APC2: variants seen among roughly 807,000 people sequenced by gnomAD.
APC2 encodes the protein adenomatous polyposis coli protein 2.
APC2 carries 41 observed loss-of-function variants against 72.5 expected under a neutral mutation model. The observed-to-expected ratio is 0.57, with a 90% CI of 0.44 to 0.73. APC2 has a LOEUF of 0.73. APC2 is among the 30% of genes least tolerant of loss of function. The pLI, the probability that APC2 is intolerant of heterozygous loss-of-function variation, is 0.00. For missense variants in APC2, 3,729 were observed against 3,403.4 expected, an observed-to-expected ratio of 1.10 and a Z score of -2.38; for synonymous variants, 1,898 against 1,612.0, an observed-to-expected ratio of 1.18 and a Z score of -4.25.
intron 4 of APC2, among the ~76,000 whole-genome samples, chr19:1,454,771 G>A (rs2083793711): frequency 6.6e-6 from 1 of 152,122 alleles, no homozygotes; most frequent in African/African-American, 2.4e-5. Context: ...GTTTCACCGT[G>A]TTAGCCAGGA....
chr19:1,456,004 C>T, intron 6 of APC2, 72 bp from the exon 7 acceptor site: 6 of 1,425,344 alleles, frequency 4.2e-6, no homozygotes, highest in South Asian at 1.3e-5. Flanking sequence ...GTGGGGTCAT[C>T]CCAGGGAGAG....
chr19:1,458,321 G>A, intron 10 of APC2: 1 of 540,752 alleles, frequency 1.8e-6, no homozygotes, highest in Non-Finnish European at 3.3e-6. Context: ...GTTCCCTGGG[G>A]CTCAGAACAG....
chr19:1,459,643 G>A (rs2083892856), intron 10 of APC2, among the ~76,000 whole-genome samples: 1 of 152,200 alleles, frequency 6.6e-6, no homozygotes, highest in Non-Finnish European at 1.5e-5. Flanking sequence ...AGGGAGAAAA[G>A]TGTTTTGGTG....
chr19:1,448,311 C>T (rs1246794047), upstream of APC2, among the ~76,000 whole-genome samples: 2 of 152,274 alleles, frequency 1.3e-5, no homozygotes, highest in Non-Finnish European at 1.5e-5. Context: ...AAAAAATCCC[C>T]TTCGAGGCGG....
chr19:1,467,944 C>A lies in APC2; in HGVS notation c.4643C>A (p.Ala1548Asp). 1 of 1,586,636 alleles carries A rather than the reference C, an allele frequency of 6.3e-7. No individual in the cohort carries two copies. The highest frequency in any genetic ancestry group is 8.5e-7 in the Non-Finnish European group (1 of 1,174,978). Residue 1548 changes from alanine to aspartate, a missense_variant, in exon 15 of 15, where the codon GCC (alanine) becomes GAC (aspartate). Physicochemically the swap from Ala to Asp is moderately radical, Grantham distance 126 (BLOSUM62 -2). Coordinates refer to ENST00000590469, the MANE Select transcript of APC2 (RefSeq NM_005883.3). ...GAGCGTCCGCAGGGCCGGAAGGAGG[C>A]CCCTGCCCCGTCCAAGGCTGCACCA... ...TRERPQGRKEAPAPSKAAPAA... is the reference protein window; with the variant it reads ...TRERPQGRKEDPAPSKAAPAA...
In APC2 at chr19:1,465,593, G is replaced by A. The variant is rs1286099904; in HGVS notation, c.2292G>A (p.Leu764=). 5.0e-6 allele frequency: 8 copies of A among 1,584,180 alleles called. No homozygotes were observed. The East Asian group carries it at 1.9e-4, about 37-fold the overall frequency. ...TKKPLPPLRH[L]DGLAQDYASD... ...AGCCGCTGCCGCCCCTGCGACACCT[G>A]GACGGCCTGGCCCAAGACTATGCTT... Residue 764 remains leucine, a synonymous_variant, in exon 15 of 15, where the codon CTG becomes CTA. Transcript: ENST00000590469.
chr19:1,457,391 G>A lies in APC2; in HGVS notation c.1207+148G>A, dbSNP rs975994095. Reference sequence around the variant, plus strand: ...CCAGGCTCCGGCCGAGGCCTGTGGGGGCATTTGACGTTGGGAAAAGACCCG... The same window carrying A: ...CCAGGCTCCGGCCGAGGCCTGTGGGAGCATTTGACGTTGGGAAAAGACCCG... On this transcript the variant is annotated intron_variant, in intron 9 of 14. Transcript: ENST00000590469. 13 of 1,207,690 alleles carry A rather than the reference G, an allele frequency of 1.1e-5. 1 individual carries two copies. The highest frequency in any genetic ancestry group is 5.8e-4 in the Middle Eastern group (2 of 3,424). 74.8% of individuals were successfully genotyped at this position (1,207,690 alleles called of 1,614,324 possible).
chr19:1,468,329 C>T lies in APC2; in HGVS notation c.5028C>T (p.Asp1676=), dbSNP rs182043. 6,649 of 1,555,956 alleles carry T rather than the reference C, an allele frequency of 4.3e-3. 265 individuals are homozygous for T. The African/African-American group carries it at 0.08, about 19-fold the overall frequency. Reference sequence around the variant, plus strand: ...GCGGCGAGGAGGCAGCGGGCTCGGACCGGGCCTCCGACCTGGATAGCGTGG... The same window carrying T: ...GCGGCGAGGAGGCAGCGGGCTCGGATCGGGCCTCCGACCTGGATAGCGTGG... ...RERGEEAAGS[D]RASDLDSVEW... The change falls in exon 15 of 15, where the codon GAC becomes GAT. Residue 1676 remains aspartate, a synonymous_variant. Transcript: ENST00000590469.
At chr19:1,459,191 C>G (rs914287461) in intron 10 of APC2, among the ~76,000 whole-genome samples, 1 of 152,166 alleles carries the variant, frequency 6.6e-6, no homozygotes, top group East Asian at 1.9e-4. Flanking sequence ...ACGCCATAGT[C>G]TGTTTGTTTC....
intron 12 of APC2, 50 bp from the exon 13 acceptor site, chr19:1,460,987 T>TG (rs1489627851): frequency 1.9e-6 from 3 of 1,606,724 alleles, no homozygotes; most frequent in South Asian, 1.1e-5. Context: ...CTGGGGGGTT[T>TG]GGGGGGCCTG....
chr19:1,466,750 A>C lies in APC2; in HGVS notation c.3449A>C (p.Asn1150Thr), dbSNP rs753549152. 2 of 1,547,314 alleles carry C rather than the reference A, an allele frequency of 1.3e-6. No individual in the cohort carries two copies. The highest frequency in any genetic ancestry group is 1.2e-5 in the South Asian group (1 of 84,200). The change falls in exon 15 of 15, where the codon AAC becomes ACC. Residue 1150 changes from asparagine (N) to threonine (T), a missense_variant. By Grantham distance (65) the Asn-to-Thr change is moderately conservative (BLOSUM62 0). Transcript: ENST00000590469. The part of the protein sequence containing the change: ...EDATPSSSSE[N>T]YVQETPLVLS... ...GCCACGCCGTCCAGCTCGTCGGAGA[A>C]CTACGTGCAGGAGACACCGCTTGTG...
chr19:1,457,222 G>T lies in APC2; in HGVS notation c.1186G>T (p.Glu396Ter). The T allele has an allele frequency of 6.5e-7, 1 of 1,540,054 alleles. No homozygotes were observed. The stretch of plus-strand genomic sequence containing the variant: ...GCTGCAGGCCCGAGACGGCGGGCCC[G>T]AGGGAGGTGGCGCCGGCAGCGGTGA... ...DWLQARDGGP[E>*]GGGAGSAPIP... The change falls in exon 9 of 15, where the codon GAG (glutamate) becomes TAG (stop). Residue 396 changes from glutamate (E) to a stop codon, truncating the protein, a stop_gained. Transcript: ENST00000590469. LOFTEE classifies it high-confidence loss of function.
rs528448967 is a variant in APC2 at position 1,455,375 on chromosome 19, C to T, written c.523-9C>T. 6.2e-7 allele frequency: 1 copy of T among 1,607,162 alleles called. No homozygotes were observed. The highest frequency in any genetic ancestry group is 8.5e-7 in the Non-Finnish European group (1 of 1,177,392). ...CCCTCACCGTGGCCCGCCCGCCTGCCTTTGCCAGCAGTTCTCGATGCAGAT... is the reference window on the plus strand; with the variant it reads ...CCCTCACCGTGGCCCGCCCGCCTGCTTTTGCCAGCAGTTCTCGATGCAGAT... On this transcript the variant is annotated splice_polypyrimidine_tract_variant and intron_variant, in intron 5 of 14. Coordinates refer to ENST00000590469, the MANE Select transcript of APC2 (RefSeq NM_005883.3).
intron 13 of APC2, chr19:1,461,623 C>A (rs1053955730): frequency 2.2e-5 from 7 of 323,822 alleles, no homozygotes; most frequent in Non-Finnish European, 3.4e-5. Context: ...GAGGCCGAGG[C>A]GGGCGGATCA....
In APC2 at chr19:1,460,194, C is replaced by T. The variant is rs34953512; in HGVS notation, c.1317C>T (p.Ala439=). The part of the protein sequence containing the change: ...RAMNELGGLQ[A]VAELLQVDYE... ...GGGTCCTCACAGGTGGGCTGCAGGC[C>T]GTGGCAGAGCTGCTGCAGGTTGACT... is the stretch of plus-strand genomic sequence containing the variant. Residue 439 remains alanine, a synonymous_variant, in exon 11 of 15, where the codon GCC becomes GCT. Coordinates refer to ENST00000590469, the MANE Select transcript of APC2 (RefSeq NM_005883.3). 50,281 of 1,613,372 alleles carry T rather than the reference C, an allele frequency of 0.031. 903 individuals are homozygous for T. Among genetic ancestry groups the T allele is most frequent in the Middle Eastern group, 0.037 (225 of 6,054 alleles).
rs1432186832 is a variant in APC2, at chr19:1,455,369, G to T, written c.523-15G>T. 2.5e-6 allele frequency: 4 copies of T among 1,605,046 alleles called. No homozygotes were observed. Among genetic ancestry groups the T allele is most frequent in the Admixed American group, 1.7e-5 (1 of 59,280 alleles). ...GGGCGCCCCTCACCGTGGCCCGCCC[G>T]CCTGCCTTTGCCAGCAGTTCTCGAT... is the stretch of plus-strand genomic sequence containing the variant. On this transcript the variant is annotated splice_polypyrimidine_tract_variant and intron_variant, in intron 5 of 14. Coordinates refer to ENST00000590469, the MANE Select transcript of APC2 (RefSeq NM_005883.3).
At position 1,470,214 on chromosome 19, in the gene APC2, T is replaced by A; in HGVS notation, c.*1T>A. ...TGCCTCCGCCACCCTCCTGGAATAG[T>A]GGCCTAGGCCGGCCTTCTGGAACGT... On this transcript the variant is annotated 3_prime_UTR_variant, in exon 15 of 15. Transcript: ENST00000590469. 6.3e-7 allele frequency: 1 copy of A among 1,586,718 alleles called. No homozygotes were observed. The highest frequency in any genetic ancestry group is 1.1e-5 in the South Asian group (1 of 87,800).
In APC2 at chr19:1,467,612, G is replaced by C. The variant is rs1196703014; in HGVS notation, c.4311G>C (p.Gln1437His). Reference protein sequence around the residue: ...RPTGRPTSARQAMGHRHKAGG... With the variant: ...RPTGRPTSARHAMGHRHKAGG... ...CCGGCCGCCCCACCTCTGCCAGACA[G>C]GCCATGGGGCACCGGCACAAGGCGG... Residue 1437 changes from glutamine to histidine, a missense_variant, in exon 15 of 15, where the codon CAG (glutamine) becomes CAC (histidine). By Grantham distance (24) the Gln-to-His change is conservative. Transcript: ENST00000590469. The C allele has an allele frequency of 9.3e-6, 14 of 1,499,328 alleles. No homozygotes were observed. In the East Asian group the frequency reaches 3.7e-4, roughly 40 times the overall value. 92.9% of individuals were successfully genotyped at this position (1,499,328 alleles called of 1,614,324 possible).
chr19:1,447,994 G>C (rs1417923497), upstream of APC2, among the ~76,000 whole-genome samples: 2 of 152,116 alleles, frequency 1.3e-5, no homozygotes, highest in African/African-American at 4.8e-5. Context: ...GGGAGGCAGG[G>C]ATCATCCAAC....
Sources: gnomAD v4.1 joint callset for allele counts (sites outside exome capture counted in the v4.1 genomes callset) on GRCh38, gnomAD v4.1.1 for gene constraint, MANE v1.5 for transcripts, NCBI Gene and HGNC (gene_info 2026-07-23, HGNC 2026-07-21) for gene names.